Variants in DDHD2 observed in about 807,000 individuals in gnomAD.
DDHD2 encodes the protein triacylglycerol hydrolase DDHD2.
DDHD2 carries 62 observed loss-of-function variants against 91.2 expected under a neutral mutation model. That is an observed-to-expected ratio of 0.68 (90% confidence interval 0.55 to 0.84). DDHD2 has a LOEUF of 0.84. Ranked by LOEUF, DDHD2 falls within the 40% of genes least tolerant of loss-of-function variation. The pLI, the probability that DDHD2 is intolerant of heterozygous loss-of-function variation, is 0.00. For synonymous variants in DDHD2, 271 were observed against 293.9 expected (o/e 0.92, Z 0.80); for missense variants, 740 against 846.9 (o/e 0.87, Z 1.57).
downstream of DDHD2, chr8:38,266,278 T>C (rs909874268): frequency 1.1e-5 from 18 of 1,613,572 alleles, no homozygotes; most frequent in East Asian, 6.7e-5. Context: ...CCCTGCCAGG[T>C]AGAAGGACGC....
At chr8:38,268,818 C>T in intron 1 of DDHD2, 2 of 1,462,608 alleles carry the variant, frequency 1.4e-6, no homozygotes, top group Non-Finnish European at 1.8e-6. Context: ...GGGTGGAAAA[C>T]GCACAGGTGC....
rs1167769436 is a variant in DDHD2, at chr8:38,260,823, G to A, written c.*250G>A. 2 of 152,388 alleles carry A rather than the reference G, an allele frequency of 1.3e-5. No individual in the cohort carries two copies. The highest frequency in any genetic ancestry group is 1.3e-4 in the Admixed American group (2 of 15,276). The allele number at this position is 152,388 out of a possible 1,614,324, so 9.4% of individuals were successfully genotyped here. A position where few individuals can be genotyped will look rare whatever the true frequency, so the allele number is the denominator to read the frequency against. On this transcript the variant is annotated 3_prime_UTR_variant, in exon 18 of 18. Coordinates refer to ENST00000397166, the MANE Select transcript of DDHD2 (RefSeq NM_015214.3). Reference sequence around the variant, plus strand: ...TGCCATTTTTTTCTGCATAGCTGGGGGTGGTTTGTGTCTTTAATTCTTTGA... The same window carrying A: ...TGCCATTTTTTTCTGCATAGCTGGGAGTGGTTTGTGTCTTTAATTCTTTGA...
chr8:38,238,206 T>G lies in DDHD2; in HGVS notation c.619T>G (p.Cys207Gly), dbSNP rs745392027. 3 of 1,613,788 alleles carry G rather than the reference T, an allele frequency of 1.9e-6. No individual in the cohort carries two copies. The South Asian group carries it at 3.3e-5, about 18-fold the overall frequency. ...GVENISVDIHCGEPLQIDHLV... is the reference protein window; with the variant it reads ...GVENISVDIHGGEPLQIDHLV... ...TGAGAACATCTCTGTTGACATTCATTGTGGTAATGTTAATCGTTTATTTTT... is the reference window on the plus strand; with the variant it reads ...TGAGAACATCTCTGTTGACATTCATGGTGGTAATGTTAATCGTTTATTTTT... Residue 207 changes from cysteine (C) to glycine (G), a missense_variant, in exon 5 of 18, where the codon TGT becomes GGT. By Grantham distance (159) the Cys-to-Gly change is radical. This residue lies in a region of DDHD2 where 693 missense variants were observed against 764.2 expected (regional missense o/e 0.91). Coordinates refer to ENST00000397166, the MANE Select transcript of DDHD2 (RefSeq NM_015214.3).
At chr8:38,267,127 C>A, downstream of DDHD2, 1 of 1,535,080 alleles carries the variant, frequency 6.5e-7, no homozygotes, top group South Asian at 1.3e-5. Flanking sequence ...ACTTGTTAAA[C>A]TGTGGAGTTA....
Position 38,262,071 on chromosome 8 carries a change from G to GT in DDHD2, c.*1499dup, listed in dbSNP as rs1807071949. The GT allele has an allele frequency of 1.3e-5, 2 of 152,182 alleles. No homozygotes were observed. The highest frequency in any genetic ancestry group is 4.8e-5 in the African/African-American group (2 of 41,460). The allele number at this position is 152,182 out of a possible 1,614,324, so 9.4% of individuals were successfully genotyped here. ...TACTGTCACCATGGAGATTGTAGAG[G>GT]TAAGGTTGGGGTATAGGTCAGGCCT... On this transcript the variant is annotated 3_prime_UTR_variant, in exon 18 of 18. Transcript: ENST00000397166.
intron 3 of DDHD2, 96 bp downstream of exon 3, chr8:38,234,680 A>T (rs1585693602): frequency 9.1e-7 from 1 of 1,098,106 alleles, no homozygotes; most frequent in Middle Eastern, 2.8e-4. Context: ...TTCCAGAAAG[A>T]CTTTGGTTCT....
At chr8:38,251,680 AAGG>A (rs1399260136) in intron 11 of DDHD2, 1 of 354,696 alleles carries the variant, frequency 2.8e-6, no homozygotes, top group Non-Finnish European at 5.0e-6. Context: ...GAACTTTCCC[AAGG>A]GTCCTTTCAA....
intron 1 of DDHD2, chr8:38,270,562 A>T (rs1459038297): frequency 6.6e-6 from 1 of 152,250 alleles, no homozygotes; most frequent in Admixed American, 6.5e-5. Flanking sequence ...ACAACCAAGT[A>T]AGTTTTATCC....
chr8:38,237,676 T>C lies in DDHD2; in HGVS notation c.501+49T>C, dbSNP rs574743643. 2.7e-5 allele frequency: 27 copies of C among 1,012,992 alleles called. No homozygotes were observed. In the African/African-American group the frequency reaches 2.8e-4, roughly 10 times the overall value. 62.8% of individuals were successfully genotyped at this position (1,012,992 alleles called of 1,614,324 possible). A position where few individuals can be genotyped will look rare whatever the true frequency, so the allele number is the denominator to read the frequency against. On this transcript the variant is annotated intron_variant, in intron 4 of 17. Coordinates refer to ENST00000397166, the MANE Select transcript of DDHD2 (RefSeq NM_015214.3). Reference sequence around the variant, plus strand: ...CGGGATAAAAAGTTAATTGCGCTATTAGGGAGAACTCAATTGGTTTCTTTT... The same window carrying C: ...CGGGATAAAAAGTTAATTGCGCTATCAGGGAGAACTCAATTGGTTTCTTTT...
chr8:38,236,327 G>T (rs1342233368), intron 3 of DDHD2, among the ~76,000 whole-genome samples: 8 of 135,870 alleles, frequency 5.9e-5, no homozygotes, highest in Non-Finnish European at 8.1e-5. Context: ...CTTGTTTTTG[G>T]TTTTTTTTTT....
intron 6 of DDHD2, among the ~76,000 whole-genome samples, chr8:38,241,288 G>T: frequency 6.6e-6 from 1 of 151,530 alleles, no homozygotes; most frequent in East Asian, 1.9e-4. Context: ...GAAAGTTAGG[G>T]TAGGAATTCA....
intron 8 of DDHD2, 100 bp downstream of exon 8, chr8:38,246,050 C>T (rs570718651): frequency 7.6e-7 from 1 of 1,324,294 alleles, no homozygotes; most frequent in Non-Finnish European, 1.1e-6. Context: ...ATTCAGAGGT[C>T]TAGAAGTGGT....
At chr8:38,232,779 T>C (rs1804387422) in intron 1 of DDHD2, among the ~76,000 whole-genome samples, 1 of 152,252 alleles carries the variant, frequency 6.6e-6, no homozygotes, top group Non-Finnish European at 1.5e-5. Flanking sequence ...GAGAACTCTG[T>C]GCAATGGTTG....
intron 3 of DDHD2, among the ~76,000 whole-genome samples, chr8:38,237,095 G>A (rs1804836686): frequency 6.6e-6 from 1 of 152,024 alleles, no homozygotes; most frequent in Non-Finnish European, 1.5e-5. Flanking sequence ...TTAAAAATAG[G>A]CTGGGTGCTG....
At chr8:38,266,826 G>A (rs934245955), downstream of DDHD2, among the ~76,000 whole-genome samples, 1 of 152,054 alleles carries the variant, frequency 6.6e-6, no homozygotes, top group Non-Finnish European at 1.5e-5. Context: ...TATAGTTTTC[G>A]GTATACTAGC....
downstream of DDHD2, chr8:38,264,848 G>A (rs558257903): frequency 1.3e-6 from 2 of 1,598,728 alleles, no homozygotes; most frequent in African/African-American, 1.3e-5. Flanking sequence ...AGTATAATAA[G>A]CTTTGTTCAG....
chr8:38,271,760 C>CT (rs1402382136), downstream of DDHD2: 1 of 152,180 alleles, frequency 6.6e-6, no homozygotes, highest in Non-Finnish European at 1.5e-5. Context: ...TTCCAATGTC[C>CT]TTTTTCTCAT....
intron 17 of DDHD2, 63 bp downstream of exon 17, chr8:38,260,210 A>G (rs1167608145): frequency 3.2e-5 from 29 of 918,086 alleles, no homozygotes; most frequent in African/African-American, 6.7e-5. Context: ...ATAATGAACT[A>G]TGGAGCCTCA....
In DDHD2 at chr8:38,252,961, G is replaced by C; in HGVS notation, c.1725G>C (p.Leu575=). The part of the protein sequence containing the change: ...HKGRKRMHLE[L]REGLTRMSMD... ...TTCTTTATTTATATGTTTCAGAACT[G>C]AGAGAGGGCTTGACCAGGATGAGTA... The change falls in exon 15 of 18, where the codon CTG becomes CTC. Residue 575 remains leucine, a synonymous_variant. Transcript: ENST00000397166. 6.2e-7 allele frequency: 1 copy of C among 1,613,886 alleles called. No individual in the cohort carries two copies. Among genetic ancestry groups the C allele is most frequent in the Non-Finnish European group, 8.5e-7 (1 of 1,179,938 alleles).
Sources: gnomAD v4.1 joint callset for allele counts (sites outside exome capture counted in the v4.1 genomes callset) on GRCh38, gnomAD v4.1.1 for gene constraint, gnomAD v4.1.1 regional missense constraint, MANE v1.5 for transcripts, NCBI Gene and HGNC (gene_info 2026-07-23, HGNC 2026-07-21) for gene names.